The following GCNT1 variants were observed in gnomAD, a reference collection of about 807,000 sequenced individuals.
GCNT1 encodes the protein glucosaminyl (N-acetyl) transferase 1.
A neutral mutation model predicts 26.2 loss-of-function variants in GCNT1; 16 were observed. The observed-to-expected ratio is 0.61, with a 90% CI of 0.41 to 0.93. The LOEUF is 0.93. Among genes scored for constraint, GCNT1 ranks in the 40% least tolerant of loss-of-function variants. The pLI, the probability that GCNT1 is intolerant of heterozygous loss-of-function variation, is 0.00. For synonymous variants in GCNT1, 183 were observed against 190.8 expected (o/e 0.96, Z 0.34); for missense variants, 477 against 526.7 (o/e 0.91, Z 0.92).
upstream of GCNT1, among the ~76,000 whole-genome samples, chr9:76,417,950 A>G (rs1030088618): frequency 5.3e-5 from 8 of 152,132 alleles, no homozygotes; most frequent in African/African-American, 1.9e-4. Flanking sequence ...TATTTAAGAG[A>G]TTTATTCTGA....
At chr9:76,425,239 T>C (rs1259499342) in intron 1 of GCNT1, among the ~76,000 whole-genome samples, 1 of 151,864 alleles carries the variant, frequency 6.6e-6, no homozygotes, top group Non-Finnish European at 1.5e-5. Context: ...ATTTATTTTT[T>C]CAGACAGAGT....
At chr9:76,405,928 A>G in the GCNT1 span, among the ~76,000 whole-genome samples, 3 of 152,226 alleles carry the variant, frequency 2.0e-5, no homozygotes, top group Admixed American at 6.5e-5. Flanking sequence ...TTGCTGGATC[A>G]TGTGGTAAGA....
intron 1 of GCNT1, among the ~76,000 whole-genome samples, chr9:76,445,387 C>CTTAT (rs1823558423): frequency 2.0e-5 from 3 of 151,828 alleles, no homozygotes; most frequent in South Asian, 2.1e-4. Flanking sequence ...TTTTCCTTTC[C>CTTAT]TTATTTATTT....
At chr9:76,440,540 T>TC (rs1363169746), upstream of GCNT1, among the ~76,000 whole-genome samples, 2 of 152,158 alleles carry the variant, frequency 1.3e-5, no homozygotes, top group Non-Finnish European at 2.9e-5. Context: ...AACCTGTGTG[T>TC]CCCCCTGCCC....
rs1381146388 is a variant in GCNT1 at position 76,503,510 on chromosome 9, G to A, written c.1129G>A (p.Val377Met). The A allele has an allele frequency of 6.2e-7, 1 of 1,614,230 alleles. No individual in the cohort carries two copies. Among genetic ancestry groups the A allele is most frequent in the Admixed American group, 1.7e-5 (1 of 60,018 alleles). The change falls in exon 4 of 4, where the codon GTG (valine) becomes ATG (methionine). Residue 377 changes from valine to methionine, a missense_variant. Coordinates refer to ENST00000376730, the MANE Select transcript of GCNT1 (RefSeq NM_001490.5). ...APYPPCDGVH[V>M]RSVCIFGAGD... ...CTACCCGCCCTGCGATGGAGTCCAT[G>A]TGCGCTCAGTGTGCATTTTCGGAGC...
chr9:76,435,989 T>A (rs1408328519), intron 1 of GCNT1, among the ~76,000 whole-genome samples: 1 of 136,526 alleles, frequency 7.3e-6, no homozygotes, highest in Non-Finnish European at 1.5e-5. Context: ...AGAATCTCGC[T>A]CTGTCACCCA....
In GCNT1 at chr9:76,485,253, A is replaced by G. The variant is rs146334531; in HGVS notation, c.-289-15663A>G. 1.5e-3 allele frequency among the ~76,000 whole-genome samples: 231 copies of G among 151,580 alleles called. 4 individuals are homozygous for G. In the East Asian group the frequency reaches 0.03, roughly 20 times the overall value. On this transcript the variant is annotated intron_variant, in intron 2 of 3. Coordinates refer to ENST00000376730, the MANE Select transcript of GCNT1 (RefSeq NM_001490.5). The stretch of plus-strand genomic sequence containing the variant: ...AGTGGTGCTATCTCGGCTCACTTCA[A>G]CCTCCACCTCCCAGGTTCAAGTGAT...
upstream of GCNT1, among the ~76,000 whole-genome samples, chr9:76,437,022 G>A (rs113136018): frequency 0.086 from 13,078 of 151,952 alleles, 844 homozygotes; most frequent in African/African-American, 0.18. Context: ...ATAAGTTAAC[G>A]GGTGCAGCAC....
At chr9:76,432,384 C>A (rs753245320) in intron 1 of GCNT1, among the ~76,000 whole-genome samples, 1 of 151,904 alleles carries the variant, frequency 6.6e-6, no homozygotes, top group Non-Finnish European at 1.5e-5. Context: ...ACTCTGTTGC[C>A]CAGGCTCAAA....
chr9:76,437,731 T>C (rs546198587), upstream of GCNT1, among the ~76,000 whole-genome samples: 2 of 152,320 alleles, frequency 1.3e-5, no homozygotes, highest in Middle Eastern at 3.4e-3. Flanking sequence ...ATCATTTTCA[T>C]AACAAGAGTC....
chr9:76,492,151 C>T (rs1011714206), intron 2 of GCNT1, among the ~76,000 whole-genome samples: 1 of 152,120 alleles, frequency 6.6e-6, no homozygotes, highest in Non-Finnish European at 1.5e-5. Flanking sequence ...GAAGTTTTGT[C>T]CTGTGGGAAG....
At chr9:76,474,135 T>C (rs948445790) in intron 2 of GCNT1, among the ~76,000 whole-genome samples, 1 of 152,144 alleles carries the variant, frequency 6.6e-6, no homozygotes, top group Non-Finnish European at 1.5e-5. Context: ...CAGCCACTAG[T>C]AATCAAAGAA....
At chr9:76,416,101 C>T (rs533546982), upstream of GCNT1, among the ~76,000 whole-genome samples, 1 of 152,214 alleles carries the variant, frequency 6.6e-6, no homozygotes, top group Admixed American at 6.5e-5. Flanking sequence ...TCCAAAACTG[C>T]CCTGGCCCAT....
intron 1 of GCNT1, among the ~76,000 whole-genome samples, chr9:76,436,598 CAAAAAAAA>C (rs1178497535): frequency 4.9e-5 from 2 of 41,120 alleles, no homozygotes; most frequent in Non-Finnish European, 9.3e-5. Flanking sequence ...GATTCCATCT[CAAAAAAAA>C]AAAAAAAAAA....
At chr9:76,441,064 C>CAAAAAA (rs758094129), upstream of GCNT1, among the ~76,000 whole-genome samples, 46 of 129,520 alleles carry the variant, frequency 3.6e-4, 2 homozygotes, top group African/African-American at 6.6e-4. Context: ...GACTCCATCT[C>CAAAAAA]AAAAAAAAAC....
chr9:76,490,163 G>C (rs1824693042), intron 2 of GCNT1, among the ~76,000 whole-genome samples: 2 of 151,810 alleles, frequency 1.3e-5, no homozygotes, highest in South Asian at 4.1e-4. Flanking sequence ...GTGCCGGGCA[G>C]CATCTCGTAC....
At chr9:76,418,844 G>C (rs1168389954), upstream of GCNT1, among the ~76,000 whole-genome samples, 5 of 152,166 alleles carry the variant, frequency 3.3e-5, no homozygotes, top group African/African-American at 1.2e-4. Context: ...AATTCATCCA[G>C]GTGTGGTTAC....
the GCNT1 span, among the ~76,000 whole-genome samples, chr9:76,402,752 T>C: frequency 5.9e-5 from 9 of 151,764 alleles, no homozygotes; most frequent in Admixed American, 5.9e-4. Flanking sequence ...TGATCTCGGC[T>C]CACTACAACC....
chr9:76,485,713 T>G (rs1824553794), intron 2 of GCNT1, among the ~76,000 whole-genome samples: 1 of 151,102 alleles, frequency 6.6e-6, no homozygotes, highest in African/African-American at 2.4e-5. Context: ...TTGGGTCCCT[T>G]GATTACTGGA....
Sources: allele counts gnomAD v4.1 joint callset (sites outside exome capture counted in the v4.1 genomes callset), GRCh38; gene constraint gnomAD v4.1.1; transcripts MANE v1.5; gene names NCBI Gene and HGNC (gene_info 2026-07-23, HGNC 2026-07-21).